Variants in SHQ1 observed in about 807,000 individuals in gnomAD.
The protein encoded by SHQ1 is protein SHQ1 homolog.
In SHQ1, 49 loss-of-function variants were observed where a neutral mutation model predicts 53.8. The observed-to-expected ratio is 0.91, with a 90% CI of 0.72 to 1.16. The LOEUF (loss-of-function observed/expected upper bound fraction) is 1.16. Ranked by LOEUF, SHQ1 falls within the 50% of genes most tolerant of loss-of-function variation. SHQ1 has a pLI of 0.00. For synonymous variants in SHQ1, 243 were observed against 251.0 expected, an observed-to-expected ratio of 0.97 and a Z score of 0.30; for missense variants, 738 against 683.1, an observed-to-expected ratio of 1.08 and a Z score of -0.90.
intron 4 of SHQ1, 62 bp from the exon 5 acceptor site, chr3:72,832,543 A>G: frequency 8.6e-7 from 1 of 1,163,064 alleles, no homozygotes; most frequent in South Asian, 1.3e-5. Flanking sequence ...TTAAAACTCA[A>G]ATTTTATACA....
intron 10 of SHQ1, among the ~76,000 whole-genome samples, chr3:72,774,449 A>G (rs1193021552): frequency 6.7e-6 from 1 of 150,258 alleles, no homozygotes; most frequent in African/African-American, 2.5e-5. Flanking sequence ...ACATAAAATT[A>G]ATCTCAACAA....
intron 6 of SHQ1, among the ~76,000 whole-genome samples, chr3:72,819,511 AC>A (rs1707415386): frequency 6.6e-6 from 1 of 152,112 alleles, no homozygotes; most frequent in Non-Finnish European, 1.5e-5. Context: ...CTTGAATTGT[AC>A]ATGAAGTCTC....
At chr3:72,818,805 T>C (rs1226485780) in intron 6 of SHQ1, among the ~76,000 whole-genome samples, 1 of 152,152 alleles carries the variant, frequency 6.6e-6, no homozygotes, top group African/African-American at 2.4e-5. Flanking sequence ...TGAGAGAGCC[T>C]GTGAGAAGGC....
rs1327278667 is a variant in SHQ1 at position 72,761,307 on chromosome 3, G to C, written c.1182-10471C>G. Among the ~76,000 whole-genome samples, 3 of 152,074 alleles carry C rather than the reference G, an allele frequency of 2.0e-5. No individual in the cohort carries two copies. The East Asian group carries it at 5.8e-4, about 29-fold the overall frequency. On this transcript the variant is annotated intron_variant, in intron 10 of 10. Coordinates refer to ENST00000325599, the MANE Select transcript of SHQ1 (RefSeq NM_018130.3). The stretch of plus-strand genomic sequence containing the variant: ...CCACTTCAGCCTACCAAGTAGCCAG[G>C]ATTAGAAGCACACACCACCACGCCT...
intron 10 of SHQ1, among the ~76,000 whole-genome samples, chr3:72,754,384 CTTTT>C (rs376060192): frequency 0.016 from 2,300 of 140,946 alleles, 51 homozygotes; most frequent in African/African-American, 0.056. Flanking sequence ...TTTTCTTCTT[CTTTT>C]TTTTTTTTTT....
the SHQ1 span, among the ~76,000 whole-genome samples, chr3:72,742,996 T>C: frequency 1.3e-5 from 2 of 152,232 alleles, no homozygotes; most frequent in African/African-American, 4.8e-5. Flanking sequence ...TTCTAAATAC[T>C]ATCCTTCTAC....
chr3:72,800,908 C>A (rs1424895656), intron 9 of SHQ1, among the ~76,000 whole-genome samples: 1 of 152,084 alleles, frequency 6.6e-6, no homozygotes, highest in African/African-American at 2.4e-5. Context: ...TAAATTTAAC[C>A]CAAGGCTGCT....
In SHQ1 at chr3:72,848,215, G is replaced by C. The variant is rs377454278; in HGVS notation, c.126C>G (p.Ala42=). 7.4e-5 allele frequency: 120 copies of C among 1,614,204 alleles called. No individual in the cohort carries two copies. The South Asian group carries it at 1.2e-3, about 16-fold the overall frequency. Reference sequence around the variant, plus strand: ...GAACTCGCCTGAGAAAGTATGGCTTGGCGTAGAACTTGAAGTCAGACCCCT... The same window carrying C: ...GAACTCGCCTGAGAAAGTATGGCTTCGCGTAGAACTTGAAGTCAGACCCCT... The part of the protein sequence containing the change: ...YFEGSDFKFY[A]KPYFLRLTLP... Residue 42 remains alanine, a synonymous_variant, in exon 1 of 11, where the codon GCC becomes GCG. Transcript: ENST00000325599.
chr3:72,822,514 C>A (rs895617890), intron 6 of SHQ1, among the ~76,000 whole-genome samples: 27 of 152,252 alleles, frequency 1.8e-4, no homozygotes, highest in African/African-American at 5.3e-4. Context: ...GAATTTAAAT[C>A]AAAGGGAACG....
chr3:72,764,989 T>C (rs1178180685), intron 10 of SHQ1, among the ~76,000 whole-genome samples: 1 of 152,182 alleles, frequency 6.6e-6, no homozygotes, highest in Non-Finnish European at 1.5e-5. Flanking sequence ...CCCATCCCTC[T>C]TACACCCAGA....
downstream of SHQ1, among the ~76,000 whole-genome samples, chr3:72,745,452 G>C (rs555421698): frequency 2.0e-5 from 3 of 152,262 alleles, no homozygotes; most frequent in African/African-American, 7.2e-5. Context: ...AAGAGAGACA[G>C]AACATAGAAA....
chr3:72,841,934 CG>C (rs1452934642), intron 3 of SHQ1, among the ~76,000 whole-genome samples: 1 of 152,154 alleles, frequency 6.6e-6, no homozygotes, highest in East Asian at 1.9e-4. Flanking sequence ...AGGTTCCTAA[CG>C]GGCCATGGAT....
chr3:72,842,946 G>A (rs903223291), intron 2 of SHQ1, among the ~76,000 whole-genome samples: 1 of 151,968 alleles, frequency 6.6e-6, no homozygotes, highest in African/African-American at 2.4e-5. Flanking sequence ...GTGGTGGCAT[G>A]TGCACCTGTA....
At chr3:72,729,952 G>A in the SHQ1 span, among the ~76,000 whole-genome samples, 3 of 152,068 alleles carry the variant, frequency 2.0e-5, no homozygotes, top group African/African-American at 4.8e-5. Context: ...CCGAGTAGCT[G>A]GGACTACAGG....
At chr3:72,730,054 G>A in the SHQ1 span, among the ~76,000 whole-genome samples, 1 of 152,062 alleles carries the variant, frequency 6.6e-6, no homozygotes, top group African/African-American at 2.4e-5. Context: ...TCCTGACCTC[G>A]TGATCCGCCT....
At chr3:72,831,065 T>C (rs1231238314) in intron 5 of SHQ1, among the ~76,000 whole-genome samples, 1 of 152,220 alleles carries the variant, frequency 6.6e-6, no homozygotes, top group African/African-American at 2.4e-5. Flanking sequence ...TGATTTTAAA[T>C]GGGTTTCTTC....
intron 9 of SHQ1, among the ~76,000 whole-genome samples, chr3:72,806,666 T>C (rs1706956781): frequency 6.6e-6 from 1 of 152,162 alleles, no homozygotes; most frequent in Admixed American, 6.5e-5. Flanking sequence ...CATCATCTAA[T>C]TCCAACAAAC....
At chr3:72,752,779 G>C (rs1443303036) in intron 10 of SHQ1, among the ~76,000 whole-genome samples, 2 of 151,854 alleles carry the variant, frequency 1.3e-5, no homozygotes, top group South Asian at 2.1e-4. Context: ...TGCCAGCCTC[G>C]GCCTCCCAAA....
intron 4 of SHQ1, among the ~76,000 whole-genome samples, chr3:72,837,030 G>C (rs1450448569): frequency 6.6e-6 from 1 of 152,202 alleles, no homozygotes; most frequent in Non-Finnish European, 1.5e-5. Context: ...AGCAAGCCTG[G>C]CGTCCTGCAG....
Sources: gnomAD v4.1 joint callset for allele counts (sites outside exome capture counted in the v4.1 genomes callset) on GRCh38, gnomAD v4.1.1 for gene constraint, MANE v1.5 for transcripts, NCBI Gene and HGNC (gene_info 2026-07-23, HGNC 2026-07-21) for gene names.